ADAMTS9: variants seen among roughly 807,000 people sequenced by gnomAD.
ADAMTS9 encodes ADAM metallopeptidase with thrombospondin type 1 motif 9.
ADAMTS9 carries 107 observed loss-of-function variants against 257.1 expected under a neutral mutation model. The observed-to-expected ratio is 0.42, with a 90% CI of 0.36 to 0.49. ADAMTS9 has a LOEUF of 0.49. Among genes scored for constraint, ADAMTS9 ranks in the 20% least tolerant of loss-of-function variants. The probability of loss-of-function intolerance (pLI) is 0.03; values close to 1 mark genes in which losing one functional copy is unlikely to be tolerated. For missense variants in ADAMTS9, 2,353 were observed against 2,469.1 expected (o/e 0.95, Z 1.00); for synonymous variants, 982 against 880.9 (o/e 1.11, Z -2.03).
At chr3:64,681,566 ATTAT>A (rs1371033225) in intron 2 of ADAMTS9, among the ~76,000 whole-genome samples, 1 of 152,106 alleles carries the variant, frequency 6.6e-6, no homozygotes, top group Non-Finnish European at 1.5e-5. Flanking sequence ...TTTTCTAAAA[ATTAT>A]TTATTATTTA....
intron 3 of ADAMTS9, among the ~76,000 whole-genome samples, chr3:64,664,742 C>T (rs1701311108): frequency 6.6e-6 from 1 of 152,104 alleles, no homozygotes; most frequent in Admixed American, 6.5e-5. Flanking sequence ...CATTCATGTG[C>T]AAGGTTTTGG....
At chr3:64,520,500 A>T (rs2082835350) in intron 39 of ADAMTS9, among the ~76,000 whole-genome samples, 1 of 152,238 alleles carries the variant, frequency 6.6e-6, no homozygotes, top group Non-Finnish European at 1.5e-5. Context: ...CTAAGCAAAA[A>T]GAACGAAGCC....
chr3:64,655,660 G>T lies in ADAMTS9; in HGVS notation c.1085C>A (p.Thr362Lys), dbSNP rs1467195347. 1.9e-6 allele frequency: 3 copies of T among 1,613,894 alleles called. No individual in the cohort carries two copies. The African/African-American group carries it at 4.0e-5, about 22-fold the overall frequency. The change falls in exon 6 of 40, where the codon ACA (threonine) becomes AAA (lysine). Residue 362 changes from threonine (T) to lysine (K), a missense_variant. This residue lies in a region of ADAMTS9 where 591 missense variants were observed against 569.6 expected (regional missense o/e 1.04). Transcript: ENST00000498707. Reference protein sequence around the residue: ...DGPSISFNAQTTLKNFCQWQH... With the variant: ...DGPSISFNAQKTLKNFCQWQH... ...CCACTGGCAAAAGTTTTTTAATGTT[G>T]TCTGAGCATTAAAAGATATGGAAGG...
At chr3:64,587,735 T>G (rs899028402) in intron 28 of ADAMTS9, 1 of 152,172 alleles carries the variant, frequency 6.6e-6, no homozygotes, top group Non-Finnish European at 1.5e-5. Context: ...GCTGCCAATT[T>G]TCTATTTTAT....
chr3:64,551,746 A>G (rs4306847), intron 30 of ADAMTS9, among the ~76,000 whole-genome samples: 113,166 of 152,120 alleles, frequency 0.74, 44,098 homozygotes, highest in Admixed American at 0.86. Context: ...ACCTTCCCAG[A>G]TAGCCATCTC....
chr3:64,638,132 T>C (rs1700547093), intron 12 of ADAMTS9, among the ~76,000 whole-genome samples: 1 of 152,222 alleles, frequency 6.6e-6, no homozygotes, highest in South Asian at 2.1e-4. Flanking sequence ...TCTATGAGTT[T>C]ATTATTTTTA....
At position 64,647,932 on chromosome 3, in the gene ADAMTS9, T is replaced by A; in HGVS notation, c.1710+8A>T. 1 of 1,612,802 alleles carries A rather than the reference T, an allele frequency of 6.2e-7. No individual in the cohort carries two copies. Among genetic ancestry groups the A allele is most frequent in the Non-Finnish European group, 8.5e-7 (1 of 1,179,398 alleles). On this transcript the variant is annotated splice_region_variant and intron_variant, in intron 11 of 39. Transcript: ENST00000498707. ...TAAGACAGAAGGACAGAACAGGGCA[T>A]TACTTGCCTTTCCAGGCTCGCACTC...
intron 29 of ADAMTS9, among the ~76,000 whole-genome samples, chr3:64,563,722 C>T (rs1256210194): frequency 2.0e-5 from 3 of 152,182 alleles, no homozygotes; most frequent in Non-Finnish European, 4.4e-5. Flanking sequence ...GTCATTCTGG[C>T]TTCTGATTTT....
intron 28 of ADAMTS9, among the ~76,000 whole-genome samples, chr3:64,573,461 A>G (rs571230309): frequency 1.1e-3 from 175 of 152,310 alleles, no homozygotes; most frequent in African/African-American, 3.9e-3. Flanking sequence ...GGCTCTTCTG[A>G]TCTAAGGATT....
intron 16 of ADAMTS9, among the ~76,000 whole-genome samples, chr3:64,630,132 G>GTTGCTCTTCA (rs11282179): frequency 0.54 from 81,417 of 151,818 alleles, 23,321 homozygotes; most frequent in African/African-American, 0.75. Context: ...TGTAAGCCAT[G>GTTGCTCTTCA]CGGCTGGGAA....
chr3:64,675,264 T>C (rs1701597682), intron 3 of ADAMTS9, among the ~76,000 whole-genome samples: 1 of 152,128 alleles, frequency 6.6e-6, no homozygotes, highest in Non-Finnish European at 1.5e-5. Flanking sequence ...CCATGTAAAG[T>C]TGTAAAGTGC....
chr3:64,645,030 T>C (rs1700750646), intron 11 of ADAMTS9, among the ~76,000 whole-genome samples: 1 of 152,202 alleles, frequency 6.6e-6, no homozygotes. Flanking sequence ...GAAAAGTGTC[T>C]GATATGACAG....
chr3:64,686,547 A>C lies in ADAMTS9; in HGVS notation c.516+21T>G. 1 of 1,577,674 alleles carries C rather than the reference A, an allele frequency of 6.3e-7. No homozygotes were observed. The highest frequency in any genetic ancestry group is 1.2e-5 in the South Asian group (1 of 85,624). Reference sequence around the variant, plus strand: ...GGGCGAGGAGGCGGAAGGGGAGAGGAGGTGGCGCGCGCCCACTTACCATTC... The same window carrying C: ...GGGCGAGGAGGCGGAAGGGGAGAGGCGGTGGCGCGCGCCCACTTACCATTC... On this transcript the variant is annotated intron_variant, in intron 2 of 39. Transcript: ENST00000498707. This position sits in a 1 kb window ranked among gnomAD's most constrained non-coding sequence, Gnocchi z 4.6.
chr3:64,636,310 G>C (rs1282675237), intron 12 of ADAMTS9, among the ~76,000 whole-genome samples: 4 of 152,124 alleles, frequency 2.6e-5, no homozygotes, highest in African/African-American at 7.2e-5. Flanking sequence ...TACTGTATGT[G>C]AGAGGCAATA....
intron 29 of ADAMTS9, chr3:64,565,565 T>G (rs1034835913): frequency 2.0e-5 from 3 of 152,252 alleles, no homozygotes; most frequent in African/African-American, 4.8e-5. Context: ...TGCATTGGTG[T>G]GTTACCTTCA....
At chr3:64,574,853 G>A (rs116684227) in intron 28 of ADAMTS9, among the ~76,000 whole-genome samples, 2,149 of 152,222 alleles carry the variant, frequency 0.014, 25 homozygotes, top group Non-Finnish European at 0.019. Context: ...CAGAAAGCAA[G>A]GACCTCAGGA....
chr3:64,644,765 T>G (rs1688330910), intron 11 of ADAMTS9, among the ~76,000 whole-genome samples: 1 of 152,220 alleles, frequency 6.6e-6, no homozygotes, highest in Admixed American at 6.5e-5. Context: ...GATCTCTTTA[T>G]TCTATAGATT....
At chr3:64,560,494 T>C (rs919631260) in intron 30 of ADAMTS9, among the ~76,000 whole-genome samples, 3 of 152,222 alleles carry the variant, frequency 2.0e-5, no homozygotes, top group Admixed American at 1.3e-4. Context: ...TATTTCTTAA[T>C]GGTTTAAGAG....
chr3:64,555,599 G>A lies in ADAMTS9; in HGVS notation c.4699-4537C>T, dbSNP rs1008272015. ...CCTGTGCAGTTGTGTAAGCAGTTGT[G>A]TTTGTAACAGAGCATGTAATTGAGT... On this transcript the variant is annotated intron_variant, in intron 30 of 39. Transcript: ENST00000498707. Among the ~76,000 whole-genome samples the A allele has an allele frequency of 2.0e-5, 3 of 152,130 alleles. No individual in the cohort carries two copies. In the South Asian group the frequency reaches 6.2e-4, roughly 32 times the overall value.
Sources: gnomAD v4.1 joint callset for allele counts (sites outside exome capture counted in the v4.1 genomes callset) on GRCh38, gnomAD v4.1.1 for gene constraint, gnomAD v4.1.1 regional missense constraint, Gnocchi (gnomAD v3.1) non-coding constraint, MANE v1.5 for transcripts, NCBI Gene and HGNC (gene_info 2026-07-23, HGNC 2026-07-21) for gene names.